SEMA6D: variants seen among roughly 807,000 people sequenced by gnomAD.
The protein encoded by SEMA6D is semaphorin 6D.
SEMA6D carries 35 observed loss-of-function variants against 106.6 expected under a neutral mutation model. The ratio of observed to expected loss-of-function variants is 0.33; its 90% confidence interval spans 0.25 to 0.44. SEMA6D has a LOEUF of 0.44. Ranked by LOEUF, SEMA6D falls within the 20% of genes least tolerant of loss-of-function variation. SEMA6D has a pLI of 1.00. For synonymous variants in SEMA6D, 499 were observed against 487.7 expected, an observed-to-expected ratio of 1.02 and a Z score of -0.31; for missense variants, 1,185 against 1,345.9, an observed-to-expected ratio of 0.88 and a Z score of 1.87.
At chr15:47,340,841 T>C (rs1440592721) in intron 1 of SEMA6D, among the ~76,000 whole-genome samples, 1 of 152,164 alleles carries the variant, frequency 6.6e-6, no homozygotes, top group Non-Finnish European at 1.5e-5. Flanking sequence ...CCTGATGAAA[T>C]TCTCAATATC....
chr15:47,504,243 C>T (rs1028349149), intron 3 of SEMA6D, among the ~76,000 whole-genome samples: 7 of 152,306 alleles, frequency 4.6e-5, no homozygotes, highest in African/African-American at 1.7e-4. Context: ...CTACTCCCAA[C>T]TTCTGAATTC....
At chr15:47,466,774 A>T (rs1369453266) in intron 2 of SEMA6D, among the ~76,000 whole-genome samples, 2 of 147,534 alleles carry the variant, frequency 1.4e-5, no homozygotes, top group Admixed American at 6.9e-5. Context: ...TTCCAGGCTC[A>T]CCAGCTTAGA....
rs552148592 is a variant in SEMA6D at position 47,601,051 on chromosome 15, T to C, written c.-55+155T>C. Among the ~76,000 whole-genome samples, 3 of 152,092 alleles carry C rather than the reference T, an allele frequency of 2.0e-5. No homozygotes were observed. In the East Asian group the frequency reaches 5.8e-4, roughly 29 times the overall value. On this transcript the variant is annotated intron_variant, in intron 4 of 19. Transcript: ENST00000558014. Reference sequence around the variant, plus strand: ...GTTAGTGATTCGAGCATGCTATGAATATTGCTTGACTAAGTACTGGTCTTA... The same window carrying C: ...GTTAGTGATTCGAGCATGCTATGAACATTGCTTGACTAAGTACTGGTCTTA...
intron 2 of SEMA6D, among the ~76,000 whole-genome samples, chr15:47,420,524 C>T (rs1163389897): frequency 6.6e-6 from 1 of 151,976 alleles, no homozygotes; most frequent in Non-Finnish European, 1.5e-5. Flanking sequence ...TTTTGCCCAT[C>T]TTCTATTTTG....
In SEMA6D at chr15:47,471,929, TCTCACACACA is replaced by T. The variant is rs1433946702; in HGVS notation, c.-87+1386_-87+1395del. On this transcript the variant is annotated intron_variant, in intron 3 of 19. Transcript: ENST00000558014. Reference sequence around the variant, plus strand: ...TTCTCTCTCTCTCTCTCTCTCTCTCTCTCACACACACACACACACACACACACACACACAC... The same window carrying T: ...TTCTCTCTCTCTCTCTCTCTCTCTCTCACACACACACACACACACACACAC... Among the ~76,000 whole-genome samples, 493 of 106,024 alleles carry T rather than the reference TCTCACACACA, an allele frequency of 4.6e-3. 2 individuals carry two copies. Among genetic ancestry groups the T allele is most frequent in the African/African-American group, 0.018 (475 of 26,178 alleles). 69.6% of individuals were successfully genotyped at this position (106,024 alleles called of 152,430 possible).
intron 1 of SEMA6D, among the ~76,000 whole-genome samples, chr15:47,391,753 A>C (rs577031810): frequency 2.0e-5 from 3 of 151,398 alleles, no homozygotes; most frequent in East Asian, 3.9e-4. Context: ...GGGAGTCTCT[A>C]CTGAAGTATG....
chr15:47,220,030 G>A (rs909017216), intron 1 of SEMA6D, among the ~76,000 whole-genome samples: 2 of 152,178 alleles, frequency 1.3e-5, no homozygotes, highest in African/African-American at 4.8e-5. Context: ...TGTTCTAAGA[G>A]AGTGAACAGT....
intron 1 of SEMA6D, among the ~76,000 whole-genome samples, chr15:47,194,787 C>A (rs1894222205): frequency 6.6e-6 from 1 of 152,110 alleles, no homozygotes; most frequent in Non-Finnish European, 1.5e-5. Context: ...TACAGACAAA[C>A]TTTTTGTTCC....
At chr15:47,455,094 T>C (rs1316430615) in intron 2 of SEMA6D, among the ~76,000 whole-genome samples, 2 of 151,654 alleles carry the variant, frequency 1.3e-5, no homozygotes, top group African/African-American at 2.4e-5. Context: ...TTATTATTAT[T>C]ATCATTATTA....
intron 4 of SEMA6D, among the ~76,000 whole-genome samples, chr15:47,650,525 G>C (rs1488720167): frequency 6.6e-6 from 1 of 152,174 alleles, no homozygotes; most frequent in East Asian, 1.9e-4. Context: ...TCGGTAATGA[G>C]TTGCTGATTT....
chr15:47,684,790 T>A (rs898407073), intron 4 of SEMA6D, among the ~76,000 whole-genome samples: 2 of 152,120 alleles, frequency 1.3e-5, no homozygotes, highest in African/African-American at 4.8e-5. Flanking sequence ...TTAGCATGAG[T>A]TTCAATTATT....
intron 4 of SEMA6D, among the ~76,000 whole-genome samples, chr15:47,609,134 T>C (rs1322507116): frequency 6.6e-6 from 1 of 152,228 alleles, no homozygotes; most frequent in Non-Finnish European, 1.5e-5. Flanking sequence ...ACCATATTAG[T>C]TGTGCCATAA....
intron 2 of SEMA6D, among the ~76,000 whole-genome samples, chr15:47,441,597 A>C (rs2041885681): frequency 6.6e-6 from 1 of 152,270 alleles, no homozygotes; most frequent in Non-Finnish European, 1.5e-5. Flanking sequence ...ATGCTGCATA[A>C]GTTTTGGCAA....
intron 4 of SEMA6D, among the ~76,000 whole-genome samples, chr15:47,655,115 C>G (rs778861956): frequency 3.3e-5 from 5 of 152,208 alleles, no homozygotes; most frequent in Non-Finnish European, 7.3e-5. Flanking sequence ...CATCTTTACT[C>G]TTTCCCTCCA....
At chr15:47,494,741 GATAT>G (rs202139404) in intron 3 of SEMA6D, among the ~76,000 whole-genome samples, 2,140 of 32,762 alleles carry the variant, frequency 0.065, 81 homozygotes, top group Non-Finnish European at 0.11. Flanking sequence ...GTGGGATGGA[GATAT>G]ATATATATAT....
intron 1 of SEMA6D, among the ~76,000 whole-genome samples, chr15:47,312,621 C>T (rs1214820027): frequency 6.6e-6 from 1 of 152,086 alleles, no homozygotes; most frequent in Non-Finnish European, 1.5e-5. Flanking sequence ...CGCTATCCAA[C>T]AGAAACACAA....
chr15:47,385,497 C>G (rs1474941056), intron 1 of SEMA6D, among the ~76,000 whole-genome samples: 4 of 152,012 alleles, frequency 2.6e-5, no homozygotes, highest in Non-Finnish European at 5.9e-5. Flanking sequence ...CACCACCTGG[C>G]CTCTGCTTTC....
chr15:47,596,478 A>G (rs945839178), intron 3 of SEMA6D, among the ~76,000 whole-genome samples: 7 of 152,158 alleles, frequency 4.6e-5, no homozygotes, highest in Admixed American at 6.5e-5. Flanking sequence ...AGCCAAAGCA[A>G]TCTTGAGCAG....
chr15:47,623,221 A>G (rs981375534), intron 4 of SEMA6D, among the ~76,000 whole-genome samples: 2 of 152,186 alleles, frequency 1.3e-5, no homozygotes, highest in Admixed American at 6.5e-5. Flanking sequence ...CCAAGGCCCA[A>G]CTATTGCCCT....
Sources: allele counts gnomAD v4.1 joint callset (sites outside exome capture counted in the v4.1 genomes callset), GRCh38; gene constraint gnomAD v4.1.1; transcripts MANE v1.5; gene names NCBI Gene and HGNC (gene_info 2026-07-23, HGNC 2026-07-21).